CDKAL1: variants seen among roughly 807,000 people sequenced by gnomAD.
CDKAL1 encodes threonylcarbamoyladenosine tRNA methylthiotransferase.
In CDKAL1, 32 loss-of-function variants were observed where a neutral mutation model predicts 68.2. The ratio of observed to expected loss-of-function variants is 0.47; its 90% confidence interval spans 0.35 to 0.63. The LOEUF is 0.63. CDKAL1 is among the 30% of genes least tolerant of loss of function. CDKAL1 has a pLI of 0.00. For missense variants in CDKAL1, 606 were observed against 696.7 expected (o/e 0.87, Z 1.47); for synonymous variants, 234 against 244.3 (o/e 0.96, Z 0.39).
intron 9 of CDKAL1, among the ~76,000 whole-genome samples, chr6:20,860,407 A>G (rs554096392): frequency 2.0e-5 from 3 of 152,330 alleles, no homozygotes; most frequent in South Asian, 2.1e-4. Context: ...TGTACTTTGT[A>G]TTCATTTATC....
chr6:21,145,164 G>T (rs892493725), intron 13 of CDKAL1, among the ~76,000 whole-genome samples: 1 of 152,102 alleles, frequency 6.6e-6, no homozygotes, highest in African/African-American at 2.4e-5. Flanking sequence ...AGGCAGTCAC[G>T]TTTTCCTTCT....
chr6:21,093,415 G>A (rs1195237380), intron 12 of CDKAL1, among the ~76,000 whole-genome samples: 1 of 152,164 alleles, frequency 6.6e-6, no homozygotes, highest in Non-Finnish European at 1.5e-5. Context: ...AAGAAGATAC[G>A]AAGATGTGGG....
At chr6:21,042,721 T>A (rs780505937) in intron 11 of CDKAL1, among the ~76,000 whole-genome samples, 1 of 152,180 alleles carries the variant, frequency 6.6e-6, no homozygotes, top group African/African-American at 2.4e-5. Context: ...TCTTAAGGTA[T>A]TTCCAGAATC....
chr6:20,634,643 T>C (rs1456235092), intron 4 of CDKAL1, among the ~76,000 whole-genome samples: 1 of 152,118 alleles, frequency 6.6e-6, no homozygotes, highest in African/African-American at 2.4e-5. Context: ...TTGGGAATTG[T>C]TGGATTTGCC....
intron 12 of CDKAL1, among the ~76,000 whole-genome samples, chr6:21,086,292 C>G (rs1398230219): frequency 6.6e-6 from 1 of 151,910 alleles, no homozygotes; most frequent in Non-Finnish European, 1.5e-5. Flanking sequence ...ATTATAGTGG[C>G]AAGGGAGAAA....
intron 13 of CDKAL1, among the ~76,000 whole-genome samples, chr6:21,123,550 A>G (rs1774834854): frequency 6.6e-6 from 1 of 152,238 alleles, no homozygotes; most frequent in African/African-American, 2.4e-5. Context: ...TTTAGTTGAT[A>G]GGGCTTGAGT....
chr6:20,909,510 A>G (rs1051939495), intron 9 of CDKAL1, among the ~76,000 whole-genome samples: 5 of 152,234 alleles, frequency 3.3e-5, no homozygotes, highest in Non-Finnish European at 7.3e-5. Flanking sequence ...GCAGTCAGTG[A>G]GATTTACTTA....
chr6:21,147,183 A>C (rs982050188), intron 13 of CDKAL1, among the ~76,000 whole-genome samples: 5 of 152,160 alleles, frequency 3.3e-5, no homozygotes, highest in African/African-American at 9.7e-5. Context: ...TTTTTAATAC[A>C]TAAGGTCATT....
chr6:20,928,685 C>CTTTTTTTTT (rs55795720), intron 9 of CDKAL1, among the ~76,000 whole-genome samples: 3 of 120,186 alleles, frequency 2.5e-5, no homozygotes, highest in African/African-American at 6.3e-5. Flanking sequence ...TTACAATATT[C>CTTTTTTTTT]TTTTTTTTTT....
intron 8 of CDKAL1, among the ~76,000 whole-genome samples, chr6:20,845,736 A>C (rs564746003): frequency 6.6e-6 from 1 of 152,214 alleles, no homozygotes; most frequent in East Asian, 1.9e-4. Flanking sequence ...AAGTAATGTC[A>C]GTAGTTTATG....
chr6:20,535,174 A>C (rs1012179097), intron 1 of CDKAL1, 177 bp from the exon 2 acceptor site: 1 of 152,380 alleles, frequency 6.6e-6, no homozygotes, highest in Non-Finnish European at 1.5e-5. Flanking sequence ...CCGTCACGGC[A>C]GATGTCAGCA....
intron 9 of CDKAL1, among the ~76,000 whole-genome samples, chr6:20,856,363 G>A (rs1021006086): frequency 6.6e-6 from 1 of 152,152 alleles, no homozygotes; most frequent in Admixed American, 6.5e-5. Context: ...AAGTAGTATG[G>A]AAAAACCATA....
chr6:21,072,302 G>A (rs577253592), intron 12 of CDKAL1, among the ~76,000 whole-genome samples: 1 of 152,130 alleles, frequency 6.6e-6, no homozygotes, highest in Non-Finnish European at 1.5e-5. Flanking sequence ...TCCTCCACGG[G>A]CTTGTCTTCT....
chr6:20,754,168 GAC>G (rs1461072482), intron 6 of CDKAL1, among the ~76,000 whole-genome samples: 3 of 152,096 alleles, frequency 2.0e-5, no homozygotes, highest in Non-Finnish European at 2.9e-5. Flanking sequence ...TTTTTGTAGA[GAC>G]AGGATCTCGC....
intron 9 of CDKAL1, among the ~76,000 whole-genome samples, chr6:20,857,246 A>T (rs1759384215): frequency 6.6e-6 from 1 of 152,196 alleles, no homozygotes. Context: ...ACGTCCTCTT[A>T]GTTAATCATT....
chr6:20,759,301 G>A (rs1774365712), intron 7 of CDKAL1, among the ~76,000 whole-genome samples: 1 of 151,988 alleles, frequency 6.6e-6, no homozygotes, highest in African/African-American at 2.4e-5. Flanking sequence ...CAGCACTTTG[G>A]GAGACTGAGG....
intron 13 of CDKAL1, among the ~76,000 whole-genome samples, chr6:21,118,539 A>G (rs1050988153): frequency 2.0e-4 from 31 of 152,234 alleles, no homozygotes; most frequent in African/African-American, 7.0e-4. Context: ...CCATGGGCCA[A>G]TAATTTATTT....
In CDKAL1 at chr6:21,194,611, A is replaced by T. The variant is rs145186510; in HGVS notation, c.1300-3410A>T. On this transcript the variant is annotated intron_variant, in intron 13 of 15. Coordinates refer to ENST00000274695, the MANE Select transcript of CDKAL1 (RefSeq NM_017774.3). ...AGGCACTGTTTGGATATGGCAAGCC[A>T]GGATGATTACTCTCAATTTTGTTAT... Among the ~76,000 whole-genome samples the T allele has an allele frequency of 1.4e-3, 208 of 152,362 alleles. 1 individual carries two copies. Among genetic ancestry groups the T allele is most frequent in the Non-Finnish European group, 2.6e-3 (175 of 68,036 alleles).
At chr6:20,650,424 A>G (rs746838577) in intron 5 of CDKAL1, among the ~76,000 whole-genome samples, 2 of 151,636 alleles carry the variant, frequency 1.3e-5, no homozygotes, top group Non-Finnish European at 2.9e-5. Context: ...TTTCCTATAT[A>G]TCTGTTTACA....
Sources: gnomAD v4.1 joint callset for allele counts (sites outside exome capture counted in the v4.1 genomes callset) on GRCh38, gnomAD v4.1.1 for gene constraint, MANE v1.5 for transcripts, NCBI Gene and HGNC (gene_info 2026-07-23, HGNC 2026-07-21) for gene names.